UBAP1: variants seen among roughly 807,000 people sequenced by gnomAD.
The protein encoded by UBAP1 is ubiquitin associated protein 1.
Under a neutral mutation model 39.0 loss-of-function variants are expected in UBAP1, and 5 were observed. That is an observed-to-expected ratio of 0.13 (90% CI 0.07 to 0.27). The LOEUF is 0.27. UBAP1 is among the 10% of genes least tolerant of loss of function. The probability of loss-of-function intolerance (pLI) is 1.00; values close to 1 mark genes in which losing one functional copy is unlikely to be tolerated. For missense variants in UBAP1, 490 were observed against 608.1 expected (o/e 0.81, Z 2.04); for synonymous variants, 211 against 225.1 (o/e 0.94, Z 0.56).
At chr9:34,246,334 G>A (rs1022168754) in intron 4 of UBAP1, among the ~76,000 whole-genome samples, 2 of 152,224 alleles carry the variant, frequency 1.3e-5, no homozygotes, top group Admixed American at 1.3e-4. Flanking sequence ...CCAAAGTGCT[G>A]GGATTATAGG....
chr9:34,238,329 G>T (rs914976571), intron 3 of UBAP1, among the ~76,000 whole-genome samples: 1 of 152,204 alleles, frequency 6.6e-6, no homozygotes, highest in African/African-American at 2.4e-5. Context: ...CTGAACATCT[G>T]TAAACAGATT....
intron 2 of UBAP1, among the ~76,000 whole-genome samples, chr9:34,222,354 G>A (rs1330052987): frequency 6.6e-6 from 1 of 152,096 alleles, no homozygotes; most frequent in Non-Finnish European, 1.5e-5. Context: ...ACCTGCCTGA[G>A]TTTTTAAAAA....
At chr9:34,182,063 T>G (rs1830069011) in intron 1 of UBAP1, among the ~76,000 whole-genome samples, 1 of 150,018 alleles carries the variant, frequency 6.7e-6, no homozygotes, top group African/African-American at 2.5e-5. Flanking sequence ...CCTCCCAAAC[T>G]GCTGGGAGGC....
chr9:34,247,599 T>G lies in UBAP1; in HGVS notation c.1084-2180T>G, dbSNP rs905768641. On this transcript the variant is annotated intron_variant, in intron 4 of 6. Transcript: ENST00000297661. ...ACCACCACACTTGGCCCATTTTGTA[T>G]TTTTAGTAGAGATGGGGTTTCTCCG... Among the ~76,000 whole-genome samples, 12 of 151,864 alleles carry G rather than the reference T, an allele frequency of 7.9e-5. 1 individual carries two copies. The highest frequency in any genetic ancestry group is 6.3e-4 in the South Asian group (3 of 4,790).
chr9:34,197,805 C>T (rs1831148955), intron 1 of UBAP1, among the ~76,000 whole-genome samples: 2 of 152,224 alleles, frequency 1.3e-5, no homozygotes, highest in East Asian at 3.8e-4. Flanking sequence ...CTGCCTCAGC[C>T]TCCTGAAGTG....
intron 2 of UBAP1, 138 bp downstream of exon 2, chr9:34,221,086 A>G (rs552656043): frequency 3.1e-5 from 23 of 732,740 alleles, no homozygotes; most frequent in African/African-American, 2.0e-4. Flanking sequence ...TTGTACAACA[A>G]TGTATCAAGT....
chr9:34,182,000 T>C (rs914070848), intron 1 of UBAP1, among the ~76,000 whole-genome samples: 3 of 149,246 alleles, frequency 2.0e-5, no homozygotes, highest in African/African-American at 5.0e-5. Flanking sequence ...GGGTCTCTTA[T>C]GTTGCCCAGT....
chr9:34,181,666 T>C lies in UBAP1; in HGVS notation c.-8+2426T>C, dbSNP rs1389087736. Among the ~76,000 whole-genome samples the C allele has an allele frequency of 2.7e-5, 4 of 147,956 alleles. 1 individual carries two copies. The highest frequency in any genetic ancestry group is 1.0e-4 in the African/African-American group (4 of 39,508). On this transcript the variant is annotated intron_variant, in intron 1 of 6. Transcript: ENST00000297661. Reference sequence around the variant, plus strand: ...CCAGGATGGTCTCGATCTCCTGACCTCGTGATCCGCCCGCCTTGGCCTCCC... The same window carrying C: ...CCAGGATGGTCTCGATCTCCTGACCCCGTGATCCGCCCGCCTTGGCCTCCC...
At chr9:34,196,104 T>C (rs1183323843) in intron 1 of UBAP1, among the ~76,000 whole-genome samples, 1 of 151,662 alleles carries the variant, frequency 6.6e-6, no homozygotes, top group Non-Finnish European at 1.5e-5. Context: ...AAAATTAGCT[T>C]GCCAAGTTTC....
At chr9:34,231,818 T>A (rs939940707) in intron 2 of UBAP1, among the ~76,000 whole-genome samples, 2 of 151,204 alleles carry the variant, frequency 1.3e-5, no homozygotes, top group East Asian at 4.0e-4. Flanking sequence ...TCATTTTTTG[T>A]ATTTTTAGTA....
chr9:34,216,764 A>T (rs1832345465), intron 1 of UBAP1, among the ~76,000 whole-genome samples: 1 of 144,682 alleles, frequency 6.9e-6, no homozygotes, highest in Non-Finnish European at 1.5e-5. Flanking sequence ...CTCCCACCTC[A>T]GCCTCCCAAG....
intron 1 of UBAP1, among the ~76,000 whole-genome samples, chr9:34,185,390 C>T (rs10971980): frequency 0.7 from 106,535 of 152,068 alleles, 39,346 homozygotes; most frequent in East Asian, 0.95. Flanking sequence ...CTACAGAAGT[C>T]ACAGAAAAAT....
intron 5 of UBAP1, 149 bp downstream of exon 5, chr9:34,250,110 C>A: frequency 1.3e-6 from 1 of 792,394 alleles, no homozygotes; most frequent in Non-Finnish European, 2.0e-6. Context: ...GGAAAGCCAG[C>A]AGCCTTGGGA....
intron 4 of UBAP1, among the ~76,000 whole-genome samples, chr9:34,248,777 G>T (rs543961099): frequency 3.0e-4 from 46 of 152,150 alleles, no homozygotes; most frequent in Non-Finnish European, 5.7e-4. Flanking sequence ...TTGCTTCTAG[G>T]ACAGAGGGCT....
chr9:34,206,218 G>A (rs973619022), intron 1 of UBAP1: 5 of 152,304 alleles, frequency 3.3e-5, no homozygotes, highest in East Asian at 3.9e-4. Flanking sequence ...GATCAGGAGC[G>A]TTCAGGGTGG....
In UBAP1 at chr9:34,223,790, A is replaced by G. The variant is rs1181748015; in HGVS notation, c.34+2842A>G. On this transcript the variant is annotated intron_variant, in intron 2 of 6. Coordinates refer to ENST00000297661, the MANE Select transcript of UBAP1 (RefSeq NM_016525.5). ...TTGTTTAAATGAAACTTTCTACCTG[A>G]GTAAAATTTAGGAGAAAAATTTTCT... 2.6e-5 allele frequency among the ~76,000 whole-genome samples: 4 copies of G among 152,192 alleles called. No individual in the cohort carries two copies. The East Asian group carries it at 5.8e-4, about 22-fold the overall frequency.
At position 34,217,867 on chromosome 9, in the gene UBAP1, G is replaced by A. The variant is rs1429185864; in HGVS notation, c.-7-3041G>A. 1.0e-4 allele frequency among the ~76,000 whole-genome samples: 13 copies of A among 126,048 alleles called. No individual in the cohort carries two copies. The East Asian group carries it at 3.0e-3, about 29-fold the overall frequency. 82.7% of individuals were successfully genotyped at this position (126,048 alleles called of 152,430 possible). A position where few individuals can be genotyped will look rare whatever the true frequency, so the allele number is the denominator to read the frequency against. On this transcript the variant is annotated intron_variant, in intron 1 of 6. Transcript: ENST00000297661. ...GGCTGGAGTGCAGTGGCACCATCTC[G>A]GCTCACTGCAACCTCCGTCTCCCAG...
intron 2 of UBAP1, 81 bp downstream of exon 2, chr9:34,221,029 A>G (rs530306727): frequency 3.9e-6 from 5 of 1,292,002 alleles, no homozygotes; most frequent in South Asian, 2.5e-5. Context: ...TTTAAGTACA[A>G]GTGCCCCTTT....
intron 1 of UBAP1, among the ~76,000 whole-genome samples, chr9:34,208,634 C>T (rs1232162679): frequency 1.3e-5 from 2 of 152,038 alleles, no homozygotes; most frequent in South Asian, 2.1e-4. Flanking sequence ...AAAAATTAGC[C>T]GGACGTGGTG....
Sources: gnomAD v4.1 joint callset for allele counts (sites outside exome capture counted in the v4.1 genomes callset) on GRCh38, gnomAD v4.1.1 for gene constraint, MANE v1.5 for transcripts, NCBI Gene and HGNC (gene_info 2026-07-23, HGNC 2026-07-21) for gene names.